Variants in MGAM observed in about 807,000 individuals in gnomAD.
MGAM encodes maltase-glucoamylase.
A neutral mutation model predicts 358.8 loss-of-function variants in MGAM; 253 were observed. The observed-to-expected ratio is 0.71, with a 90% confidence interval of 0.64 to 0.78. The LOEUF is 0.78. Ranked by LOEUF, MGAM falls within the 30% of genes least tolerant of loss-of-function variation. The pLI, the probability that MGAM is intolerant of heterozygous loss-of-function variation, is 0.00. For missense variants in MGAM, 3,080 were observed against 3,432.6 expected, an observed-to-expected ratio of 0.90 and a Z score of 2.57; for synonymous variants, 1,105 against 1,227.1, an observed-to-expected ratio of 0.90 and a Z score of 2.08.
rs1810875998 is a variant in MGAM at position 142,050,814 on chromosome 7, G to A, written c.2755G>A (p.Gly919Ser). The change falls in exon 24 of 71, where the codon GGT (glycine) becomes AGT (serine). Residue 919 changes from glycine to serine, a missense_variant. Transcript: ENST00000475668. ...TAGCAATGTTACAGTGAAACACAAT[G>A]GTGTCCCAAGTCAGACTTCTCCTAC... ...EPSNVTVKHN[G>S]VPSQTSPTVT... The A allele has an allele frequency of 6.2e-7, 1 of 1,613,714 alleles. No individual in the cohort carries two copies. The highest frequency in any genetic ancestry group is 8.5e-7 in the Non-Finnish European group (1 of 1,179,716).
In MGAM at chr7:142,030,188, G is replaced by A. The variant is rs531233080; in HGVS notation, c.1222-174G>A. ...AAGCCCTAGGGAACCAACCAGTCGT[G>A]TGTTTTTGAAATCAACATTGGAAAA... On this transcript the variant is annotated intron_variant, in intron 10 of 70. Transcript: ENST00000475668. 124 of 698,154 alleles carry A rather than the reference G, an allele frequency of 1.8e-4. 1 individual carries two copies. The highest frequency in any genetic ancestry group is 4.3e-4 in the Middle Eastern group (1 of 2,332). The allele number at this position is 698,154 out of a possible 1,614,324, so 43.2% of individuals were successfully genotyped here.
At chr7:142,000,144 C>T (rs1248290261) in intron 1 of MGAM, among the ~76,000 whole-genome samples, 1 of 152,082 alleles carries the variant, frequency 6.6e-6, no homozygotes, top group Non-Finnish European at 1.5e-5. Context: ...AAACAACAAA[C>T]ATTTATTATC....
At position 142,097,547 on chromosome 7, in the gene MGAM, C is replaced by T. The variant is rs141628351; in HGVS notation, c.7693-46C>T. 1.6e-4 allele frequency: 251 copies of T among 1,572,284 alleles called. 4 individuals carry two copies. In the East Asian group the frequency reaches 5.0e-3, roughly 32 times the overall value. The stretch of plus-strand genomic sequence containing the variant: ...TCCTAAGTATTTTGGTTTCTCTGTC[C>T]TGGAAAATGGTGCCACTGCCACACC... On this transcript the variant is annotated intron_variant, in intron 65 of 70. Transcript: ENST00000475668.
chr7:142,073,977 T>A (rs748295172), intron 44 of MGAM, 108 bp from the exon 45 acceptor site: 35 of 807,206 alleles, frequency 4.3e-5, no homozygotes, highest in Non-Finnish European at 6.3e-5. Flanking sequence ...AACAGAACCA[T>A]CTGCTGCTAG....
rs373934033 is a variant in MGAM at position 142,066,753 on chromosome 7, T to C, written c.4919+32T>C. 1.1e-5 allele frequency: 17 copies of C among 1,540,910 alleles called. 1 individual carries two copies. In the African/African-American group the frequency reaches 1.8e-4, roughly 16 times the overall value. On this transcript the variant is annotated intron_variant, in intron 41 of 70. Coordinates refer to ENST00000475668, the MANE Select transcript of MGAM (RefSeq NM_001365693.1). ...GTCCAGCAGGGATCCCGATGACTAA[T>C]GGATGACTTATTGCATTCTATGTGG...
At chr7:142,086,055 ATAAAT>A (rs1814723826) in intron 55 of MGAM, 94 bp downstream of exon 55, 1 of 1,498,722 alleles carries the variant, frequency 6.7e-7, no homozygotes, top group African/African-American at 1.4e-5. Flanking sequence ...TTGCAAGTAG[ATAAAT>A]TGAAGTGTAG....
rs187975007 is a variant in MGAM, at chr7:142,040,780, T to C, written c.2432T>C (p.Ile811Thr). The C allele has an allele frequency of 8.4e-5, 136 of 1,613,294 alleles. No individual in the cohort carries two copies. The highest frequency in any genetic ancestry group is 3.3e-4 in the Middle Eastern group (2 of 6,058). ...KVEMELPGDK[I>T]GLHLRGGYIF... Reference sequence around the variant, plus strand: ...GAGATGGAACTTCCTGGAGACAAAATTGGACTTCACCTTCGAGGAGGCTAC... The same window carrying C: ...GAGATGGAACTTCCTGGAGACAAAACTGGACTTCACCTTCGAGGAGGCTAC... The change falls in exon 21 of 71, where the codon ATT (isoleucine) becomes ACT (threonine). Residue 811 changes from isoleucine (I) to threonine (T), a missense_variant. Physicochemically the swap from Ile to Thr is moderately conservative, Grantham distance 89. This residue lies in a region of MGAM where 1,816 missense variants were observed against 1,840.5 expected (regional missense o/e 0.99). Transcript: ENST00000475668.
At chr7:142,096,246 T>C in intron 64 of MGAM, 85 bp from the exon 65 acceptor site, 1 of 1,301,216 alleles carries the variant, frequency 7.7e-7, no homozygotes, top group South Asian at 1.2e-5. Context: ...TATTTCCGAC[T>C]TGGATCTGAA....
chr7:142,052,397 A>G lies in MGAM; in HGVS notation c.2909A>G (p.Glu970Gly). ...GAAAAAATAGACTGTTACCCTGATG[A>G]GAATGGTGCTTCTGCCGAAAACTGC... ...DEEKIDCYPD[E>G]NGASAENCTA... The change falls in exon 25 of 71, where the codon GAG becomes GGG. Residue 970 changes from glutamate to glycine, a missense_variant. Glu to Gly is a moderately conservative substitution (Grantham distance 98). Transcript: ENST00000475668. 1 of 1,613,394 alleles carries G rather than the reference A, an allele frequency of 6.2e-7. No individual in the cohort carries two copies. Among genetic ancestry groups the G allele is most frequent in the Non-Finnish European group, 8.5e-7 (1 of 1,179,650 alleles).
At position 142,052,467 on chromosome 7, in the gene MGAM, T is replaced by C. The variant is rs552920012; in HGVS notation, c.2958+21T>C. 1.1e-4 allele frequency: 176 copies of C among 1,612,142 alleles called. 4 individuals carry two copies. The South Asian group carries it at 1.9e-3, about 17-fold the overall frequency. Reference sequence around the variant, plus strand: ...GGGAGGTAACCATGCTGATGGGGTTTGTGTGCATGAGAATCTCCACACCTA... The same window carrying C: ...GGGAGGTAACCATGCTGATGGGGTTCGTGTGCATGAGAATCTCCACACCTA... On this transcript the variant is annotated intron_variant, in intron 25 of 70. Coordinates refer to ENST00000475668, the MANE Select transcript of MGAM (RefSeq NM_001365693.1).
chr7:142,055,508 C>T (rs1180479586), intron 27 of MGAM, 50 bp from the exon 28 acceptor site: 4 of 1,610,566 alleles, frequency 2.5e-6, no homozygotes, highest in Non-Finnish European at 3.4e-6. Context: ...CTGCTGGAAA[C>T]AGAGATAAAA....
Position 142,005,616 on chromosome 7 carries a change from T to A in MGAM, c.86T>A (p.Val29Asp). ...LLLVLFIISI[V>D]LIVLLAKESL... ...CTTGTGTTGTTTATCATCAGTATTG[T>A]TCTAATTGTGCTTTTAGCCAAAGAG... The change falls in exon 2 of 71, where the codon GTT (valine) becomes GAT (aspartate). Residue 29 changes from valine (V) to aspartate (D), a missense_variant. Val to Asp is a radical substitution (Grantham distance 152, BLOSUM62 -3). Transcript: ENST00000475668. 1.9e-6 allele frequency: 3 copies of A among 1,597,908 alleles called. No homozygotes were observed. Among genetic ancestry groups the A allele is most frequent in the Non-Finnish European group, 1.7e-6 (2 of 1,171,520 alleles).
chr7:142,050,427 T>C, intron 23 of MGAM, 143 bp downstream of exon 23: 2 of 1,151,546 alleles, frequency 1.7e-6, no homozygotes, highest in Non-Finnish European at 2.6e-6. Context: ...TTTCTATTTA[T>C]GATTTCATCG....
chr7:142,044,263 T>C (rs1447155846), intron 21 of MGAM, among the ~76,000 whole-genome samples: 2 of 112,662 alleles, frequency 1.8e-5, no homozygotes, highest in Admixed American at 2.3e-4. Context: ...CGACATATAA[T>C]ATATACATTA....
At chr7:142,021,831 A>G in intron 6 of MGAM, 94 bp downstream of exon 6, 2 of 1,346,032 alleles carry the variant, frequency 1.5e-6, no homozygotes, top group Non-Finnish European at 2.1e-6. Flanking sequence ...ATATTCCTGA[A>G]GGTTGTGGGC....
chr7:142,011,018 T>C (rs946744756), intron 3 of MGAM, among the ~76,000 whole-genome samples: 2 of 152,178 alleles, frequency 1.3e-5, no homozygotes, highest in Non-Finnish European at 2.9e-5. Context: ...AATCCTTTGA[T>C]TTTTCAGGGC....
In MGAM at chr7:142,103,386, T is replaced by C. The variant is rs745381940; in HGVS notation, c.8131T>C (p.Ser2711Pro). The C allele has an allele frequency of 6.2e-7, 1 of 1,612,932 alleles. No individual in the cohort carries two copies. Among genetic ancestry groups the C allele is most frequent in the Admixed American group, 1.7e-5 (1 of 59,824 alleles). Residue 2711 changes from serine to proline, a missense_variant, in exon 70 of 71, where the codon TCT becomes CCT. Ser to Pro is a moderately conservative substitution (Grantham distance 74). Coordinates refer to ENST00000475668, the MANE Select transcript of MGAM (RefSeq NM_001365693.1). The stretch of plus-strand genomic sequence containing the variant: ...TGTCCCCGTTACCAGTGTCAGCATC[T>C]CTGTGAGTGGCATGGTCATAACACC... ...GSVPVTSVSI[S>P]VSGMVITPSF... is the part of the protein sequence containing the mutation.
At position 142,082,476 on chromosome 7, in the gene MGAM, A is replaced by G. The variant is rs1168461931; in HGVS notation, c.6173A>G (p.Tyr2058Cys). 6.6e-6 allele frequency: 10 copies of G among 1,520,782 alleles called. 2 individuals carry two copies. In the East Asian group the frequency reaches 2.3e-4, roughly 36 times the overall value. The allele number at this position is 1,520,782 out of a possible 1,614,324, so 94.2% of individuals were successfully genotyped here. A position where few individuals can be genotyped will look rare whatever the true frequency, so the allele number is the denominator to read the frequency against. Residue 2058 changes from tyrosine (Y) to cysteine (C), a missense_variant and splice_region_variant, in exon 52 of 71, where the codon TAC (tyrosine) becomes TGC (cysteine). By Grantham distance (194) the Tyr-to-Cys change is radical. This residue lies in a region of MGAM where 932 missense variants were observed against 1,198.2 expected (regional missense o/e 0.78). Transcript: ENST00000475668. Reference protein sequence around the residue: ...GMFSRDQPPGYKKNSYGVHPY... With the variant: ...GMFSRDQPPGCKKNSYGVHPY... ...CTGCTTCTCCCCATGACTCTCCAGT[A>G]CAAGAAGAATTCCTATGGTGTCCAC...
Position 142,093,462 on chromosome 7 carries a change from A to G in MGAM, c.7084A>G (p.Ser2362Gly). The G allele has an allele frequency of 6.5e-7, 1 of 1,534,464 alleles. No homozygotes were observed. The highest frequency in any genetic ancestry group is 8.9e-7 in the Non-Finnish European group (1 of 1,121,466). The change falls in exon 60 of 71, where the codon AGT (serine) becomes GGT (glycine). Residue 2362 changes from serine (S) to glycine (G), a missense_variant. By Grantham distance (56) the Ser-to-Gly change is moderately conservative. This residue lies in a region of MGAM where 932 missense variants were observed against 1,198.2 expected (regional missense o/e 0.78). Coordinates refer to ENST00000475668, the MANE Select transcript of MGAM (RefSeq NM_001365693.1). ...GAGCAGCAAGACCCTGTGCATGGAG[A>G]GTCAGCAGATCCTCCCAGACGGCTC... ...GLSSKTLCME[S>G]QQILPDGSPV...
Sources: allele counts gnomAD v4.1 joint callset (sites outside exome capture counted in the v4.1 genomes callset), GRCh38; gene constraint gnomAD v4.1.1; regional missense constraint gnomAD v4.1.1; transcripts MANE v1.5; gene names NCBI Gene and HGNC (gene_info 2026-07-23, HGNC 2026-07-21).